Variants in GTF2A1L observed in about 807,000 individuals in gnomAD.
GTF2A1L encodes TFIIA-alpha and beta-like factor.
In GTF2A1L, 48 loss-of-function variants were observed where a neutral mutation model predicts 49.7. The observed-to-expected ratio is 0.97, with a 90% CI of 0.77 to 1.23. The LOEUF is 1.23. GTF2A1L is among the 50% of genes most tolerant of loss of function. The probability of loss-of-function intolerance (pLI) is 0.00; values close to 1 mark genes in which losing one functional copy is unlikely to be tolerated. For missense variants in GTF2A1L, 736 were observed against 564.8 expected (o/e 1.30, Z -3.07); for synonymous variants, 246 against 193.5 (o/e 1.27, Z -2.25).
At position 48,624,930 on chromosome 2, in the gene GTF2A1L, A is replaced by G. The variant is rs764616841; in HGVS notation, c.247+3640A>G. ...TTCCTCTGTGTGTGTGTGTATACAGACATACCACAATTTCTTTATCCATTT... is the reference window on the plus strand; with the variant it reads ...TTCCTCTGTGTGTGTGTGTATACAGGCATACCACAATTTCTTTATCCATTT... On this transcript the variant is annotated intron_variant, in intron 3 of 8. Coordinates refer to ENST00000403751, the MANE Select transcript of GTF2A1L (RefSeq NM_006872.5). Among the ~76,000 whole-genome samples the G allele has an allele frequency of 1.4e-5, 2 of 144,018 alleles. 1 individual carries two copies. Among genetic ancestry groups the G allele is most frequent in the Non-Finnish European group, 3.1e-5 (2 of 63,922 alleles). The allele number at this position is 144,018 out of a possible 152,430, so 94.5% of individuals were successfully genotyped here.
intron 4 of GTF2A1L, among the ~76,000 whole-genome samples, chr2:48,643,700 T>C (rs1216526665): frequency 9.2e-6 from 1 of 108,430 alleles, no homozygotes; most frequent in Non-Finnish European, 1.9e-5. Flanking sequence ...ACAATTTTTT[T>C]TTTTTTTTTT....
chr2:48,655,783 C>G (rs1678136187), intron 6 of GTF2A1L, among the ~76,000 whole-genome samples: 1 of 152,096 alleles, frequency 6.6e-6, no homozygotes, highest in African/African-American at 2.4e-5. Flanking sequence ...GTAGCTATCA[C>G]CACCACCCAT....
intron 3 of GTF2A1L, among the ~76,000 whole-genome samples, chr2:48,635,931 C>A (rs1298913655): frequency 2.0e-5 from 3 of 152,154 alleles, no homozygotes; most frequent in Non-Finnish European, 2.9e-5. Flanking sequence ...AGTTCTCCCT[C>A]AGCCTGAGTT....
At chr2:48,641,634 T>C (rs1677204423) in intron 3 of GTF2A1L, among the ~76,000 whole-genome samples, 3 of 152,212 alleles carry the variant, frequency 2.0e-5, no homozygotes, top group African/African-American at 7.2e-5. Flanking sequence ...TATGGTTACA[T>C]TGATCAACTA....
chr2:48,669,889 G>A lies in GTF2A1L; in HGVS notation c.1146G>A (p.Lys382=). ...FLGNIDGGDL[K]VPEEEADSIS... The stretch of plus-strand genomic sequence containing the variant: ...GGAATATTGACGGGGGAGATCTGAA[G>A]GTACCTGAAGAAGAAGCTGACAGTA... The change falls in exon 7 of 9, where the codon AAG becomes AAA. Residue 382 remains lysine (K), a synonymous_variant. Transcript: ENST00000403751. 5.6e-6 allele frequency: 9 copies of A among 1,613,978 alleles called. No homozygotes were observed. The highest frequency in any genetic ancestry group is 7.6e-6 in the Non-Finnish European group (9 of 1,179,998).
At chr2:48,644,947 A>AT (rs1677414125) in intron 4 of GTF2A1L, 86 bp from the exon 5 acceptor site, 1 of 1,218,634 alleles carries the variant, frequency 8.2e-7, no homozygotes, top group Non-Finnish European at 1.1e-6. Flanking sequence ...CCAGAATCAG[A>AT]TTTTTTGACT....
chr2:48,669,032 C>T (rs1679025868), intron 6 of GTF2A1L, among the ~76,000 whole-genome samples: 1 of 152,060 alleles, frequency 6.6e-6, no homozygotes, highest in Non-Finnish European at 1.5e-5. Context: ...TTATCTATAA[C>T]ATAAAAATTT....
At chr2:48,646,396 T>C in intron 5 of GTF2A1L, 57 bp from the exon 6 acceptor site, 1 of 1,355,348 alleles carries the variant, frequency 7.4e-7, no homozygotes, top group African/African-American at 1.5e-5. Flanking sequence ...TTTGTGGTGG[T>C]TGTCAAAGGA....
intron 4 of GTF2A1L, among the ~76,000 whole-genome samples, chr2:48,643,270 T>C (rs946039607): frequency 1.3e-5 from 2 of 152,198 alleles, no homozygotes; most frequent in African/African-American, 4.8e-5. Context: ...CAAGTTAACA[T>C]AGAAAACCAA....
chr2:48,644,843 C>T (rs1677407388), intron 4 of GTF2A1L, among the ~76,000 whole-genome samples, 190 bp from the exon 5 acceptor site: 1 of 152,132 alleles, frequency 6.6e-6, no homozygotes. Flanking sequence ...AATAGGATTC[C>T]TCTTGATCCT....
At chr2:48,664,263 AT>A (rs1291957126) in intron 6 of GTF2A1L, among the ~76,000 whole-genome samples, 3 of 150,524 alleles carry the variant, frequency 2.0e-5, no homozygotes, top group East Asian at 3.9e-4. Context: ...TATGGTTTTA[AT>A]TTTTTTTTGT....
Position 48,657,523 on chromosome 2 carries a change from T to A in GTF2A1L, c.978+10481T>A, listed in dbSNP as rs988397670. Among the ~76,000 whole-genome samples the A allele has an allele frequency of 2.6e-5, 4 of 152,318 alleles. No individual in the cohort carries two copies. The East Asian group carries it at 7.7e-4, about 29-fold the overall frequency. ...CACCATGTATGGGCACCTGGGCTGA[T>A]TCCATGTCTTTGCTATTGTGAATAG... is the stretch of plus-strand genomic sequence containing the variant. On this transcript the variant is annotated intron_variant, in intron 6 of 8. Coordinates refer to ENST00000403751, the MANE Select transcript of GTF2A1L (RefSeq NM_006872.5).
intron 8 of GTF2A1L, among the ~76,000 whole-genome samples, chr2:48,678,769 C>T (rs1485804400): frequency 6.6e-6 from 1 of 151,952 alleles, no homozygotes. Flanking sequence ...ATCACTTTTT[C>T]ATTTCTGATA....
rs1220055164 is a variant in GTF2A1L, at chr2:48,672,526, A to G, written c.1329+846A>G. Among the ~76,000 whole-genome samples, 3 of 152,204 alleles carry G rather than the reference A, an allele frequency of 2.0e-5. No homozygotes were observed. The East Asian group carries it at 5.8e-4, about 29-fold the overall frequency. Reference sequence around the variant, plus strand: ...GTAGGGCAGACGTGAAGTGCCCAGAACCCAGACAGAGGATGGCAGTGTAAG... The same window carrying G: ...GTAGGGCAGACGTGAAGTGCCCAGAGCCCAGACAGAGGATGGCAGTGTAAG... On this transcript the variant is annotated intron_variant, in intron 8 of 8. Transcript: ENST00000403751.
At chr2:48,624,057 C>T (rs1412399945) in intron 3 of GTF2A1L, among the ~76,000 whole-genome samples, 1 of 104,730 alleles carries the variant, frequency 9.5e-6, no homozygotes, top group Non-Finnish European at 2.4e-5. Flanking sequence ...GAATCTAAAC[C>T]CAGAAACTTG....
chr2:48,655,794 C>T (rs1344196976), intron 6 of GTF2A1L, among the ~76,000 whole-genome samples: 1 of 152,104 alleles, frequency 6.6e-6, no homozygotes, highest in African/African-American at 2.4e-5. Flanking sequence ...CACCACCCAT[C>T]TCTAGAAATT....
chr2:48,633,945 G>A (rs1676735367), intron 3 of GTF2A1L, among the ~76,000 whole-genome samples: 1 of 151,918 alleles, frequency 6.6e-6, no homozygotes, highest in African/African-American at 2.4e-5. Context: ...TAATAATAGT[G>A]ACCTCTGCTC....
At chr2:48,679,055 A>ATT (rs5830999) in intron 8 of GTF2A1L, among the ~76,000 whole-genome samples, 17 of 151,370 alleles carry the variant, frequency 1.1e-4, no homozygotes, top group South Asian at 6.3e-4. Context: ...AAAGGCAGGG[A>ATT]TTTTTTTTGG....
chr2:48,646,876 C>T lies in GTF2A1L; in HGVS notation c.812C>T (p.Ala271Val). ...ESVLSGSASM[A>V]QNLHDESLST... ...GTGCTCAGTGGTTCAGCTAGCATGG[C>T]TCAAAATCTGCATGATGAGTCCCTC... Residue 271 changes from alanine to valine, a missense_variant, in exon 6 of 9, where the codon GCT becomes GTT. By Grantham distance (64) the Ala-to-Val change is moderately conservative. Coordinates refer to ENST00000403751, the MANE Select transcript of GTF2A1L (RefSeq NM_006872.5). The T allele has an allele frequency of 1.2e-6, 2 of 1,614,202 alleles. No homozygotes were observed. The highest frequency in any genetic ancestry group is 8.5e-7 in the Non-Finnish European group (1 of 1,180,016).
Sources: gnomAD v4.1 joint callset for allele counts (sites outside exome capture counted in the v4.1 genomes callset) on GRCh38, gnomAD v4.1.1 for gene constraint, MANE v1.5 for transcripts, NCBI Gene and HGNC (gene_info 2026-07-23, HGNC 2026-07-21) for gene names.